AK9: variants seen among roughly 807,000 people sequenced by gnomAD.
AK9 encodes adenylate kinase 9.
Under a neutral mutation model 239.6 loss-of-function variants are expected in AK9, and 191 were observed. That is an observed-to-expected ratio of 0.80 (90% confidence interval 0.71 to 0.90). The LOEUF is 0.90. Among genes scored for constraint, AK9 ranks in the 40% least tolerant of loss-of-function variants. AK9 has a pLI of 0.00. For missense variants in AK9, 1,995 were observed against 2,214.7 expected (o/e 0.90, Z 1.99); for synonymous variants, 689 against 721.0 (o/e 0.96, Z 0.71).
intron 17 of AK9, among the ~76,000 whole-genome samples, chr6:109,607,705 T>C (rs1793061200): frequency 6.6e-6 from 1 of 151,780 alleles, no homozygotes; most frequent in Non-Finnish European, 1.5e-5. Context: ...ATTGTAAAGA[T>C]GATAGTCTTA....
chr6:109,649,580 A>G (rs1379240058), intron 8 of AK9, among the ~76,000 whole-genome samples: 1 of 152,190 alleles, frequency 6.6e-6, no homozygotes, highest in African/African-American at 2.4e-5. Context: ...CAATGAAATA[A>G]AAGAGGACAC....
chr6:109,550,022 T>G, intron 25 of AK9, 68 bp downstream of exon 25: 1 of 1,445,162 alleles, frequency 6.9e-7, no homozygotes, highest in Non-Finnish European at 9.6e-7. Flanking sequence ...AGTAAATTGA[T>G]GGTGATTGGT....
rs1310523650 is a variant in AK9 at position 109,656,902 on chromosome 6, G to T, written c.631-18C>A. The T allele has an allele frequency of 3.1e-6, 5 of 1,610,544 alleles. No homozygotes were observed. The highest frequency in any genetic ancestry group is 4.2e-6 in the Non-Finnish European group (5 of 1,178,086). ...ATAAATGCCTAAATGGAAAAGAAGA[G>T]ATTTCAAATATCTTTAGGTCAATGA... On this transcript the variant is annotated intron_variant, in intron 7 of 40. Coordinates refer to ENST00000424296, the MANE Select transcript of AK9 (RefSeq NM_001145128.3).
At chr6:109,559,399 C>T (rs1456162647) in intron 24 of AK9, among the ~76,000 whole-genome samples, 3 of 151,842 alleles carry the variant, frequency 2.0e-5, no homozygotes, top group African/African-American at 7.3e-5. Flanking sequence ...GATCTCCTAA[C>T]CTCGTGATCT....
chr6:109,523,395 T>G (rs6929166), intron 29 of AK9, among the ~76,000 whole-genome samples: 425 of 152,272 alleles, frequency 2.8e-3, no homozygotes, highest in Non-Finnish European at 4.3e-3. Flanking sequence ...CTTCATGGCC[T>G]TGAAGATCTG....
chr6:109,649,662 A>G (rs989722890), intron 8 of AK9, among the ~76,000 whole-genome samples: 25 of 152,342 alleles, frequency 1.6e-4, no homozygotes, highest in African/African-American at 5.5e-4. Context: ...ATACTGCCCA[A>G]GGTAATTTAT....
At chr6:109,662,137 A>G (rs532929195) in intron 6 of AK9, among the ~76,000 whole-genome samples, 1 of 152,316 alleles carries the variant, frequency 6.6e-6, no homozygotes, top group South Asian at 2.1e-4. Context: ...TAGGAGGAAA[A>G]TGGATAATTA....
At chr6:109,576,287 GA>G (rs1788061831) in intron 20 of AK9, among the ~76,000 whole-genome samples, 1 of 151,754 alleles carries the variant, frequency 6.6e-6, no homozygotes, top group Admixed American at 6.6e-5. Context: ...CATGCTCATG[GA>G]TTCTACCCAT....
At chr6:109,622,183 T>C (rs1465339101) in intron 12 of AK9, among the ~76,000 whole-genome samples, 1 of 145,786 alleles carries the variant, frequency 6.9e-6, no homozygotes, top group African/African-American at 2.5e-5. Flanking sequence ...TTTTATACAT[T>C]ATATATAATA....
chr6:109,545,837 C>G, intron 26 of AK9, 30 bp downstream of exon 26: 2 of 1,571,068 alleles, frequency 1.3e-6, no homozygotes, highest in Non-Finnish European at 1.7e-6. Context: ...AAAAACAAAA[C>G]AAACAAAAAA....
chr6:109,519,029 T>C (rs929461638), intron 29 of AK9, among the ~76,000 whole-genome samples: 1 of 152,182 alleles, frequency 6.6e-6, no homozygotes, highest in African/African-American at 2.4e-5. Flanking sequence ...GTACCCAGTG[T>C]TTAGCTCCTA....
At chr6:109,677,579 C>T (rs1771942614) in intron 1 of AK9, among the ~76,000 whole-genome samples, 1 of 151,942 alleles carries the variant, frequency 6.6e-6, no homozygotes, top group South Asian at 2.1e-4. Context: ...CCTAGCCCTG[C>T]TAAATATATA....
At chr6:109,525,202 A>T (rs958673516) in intron 29 of AK9, among the ~76,000 whole-genome samples, 1 of 152,114 alleles carries the variant, frequency 6.6e-6, no homozygotes, top group African/African-American at 2.4e-5. Context: ...TCTGAGTTCC[A>T]TTGCTCTATG....
intron 3 of AK9, 82 bp from the exon 4 acceptor site, chr6:109,672,249 G>A: frequency 8.5e-7 from 1 of 1,176,046 alleles, no homozygotes; most frequent in Non-Finnish European, 1.2e-6. Flanking sequence ...TCTTGTAACT[G>A]GTAACAAAGA....
chr6:109,526,675 G>A (rs1264753587), intron 29 of AK9, among the ~76,000 whole-genome samples: 2 of 152,190 alleles, frequency 1.3e-5, no homozygotes, highest in East Asian at 3.9e-4. Context: ...TGACACAGGT[G>A]CTCATTATCT....
intron 2 of AK9, 91 bp downstream of exon 2, chr6:109,675,538 C>T (rs1298584383): frequency 1.5e-5 from 12 of 821,244 alleles, no homozygotes; most frequent in Non-Finnish European, 2.2e-5. Flanking sequence ...AAAATGAGCA[C>T]AATATGTGGT....
At chr6:109,647,974 T>C (rs547343749) in intron 8 of AK9, among the ~76,000 whole-genome samples, 17 of 152,166 alleles carry the variant, frequency 1.1e-4, no homozygotes, top group African/African-American at 4.1e-4. Flanking sequence ...CTGAACAACC[T>C]GCTCCTGAAT....
At chr6:109,636,047 G>A (rs1009218381) in intron 10 of AK9, among the ~76,000 whole-genome samples, 1 of 152,132 alleles carries the variant, frequency 6.6e-6, no homozygotes, top group Non-Finnish European at 1.5e-5. Context: ...ATTGAATAAA[G>A]GGCAGCAAGG....
At chr6:109,518,267 T>C (rs951798768) in intron 29 of AK9, among the ~76,000 whole-genome samples, 2 of 152,138 alleles carry the variant, frequency 1.3e-5, no homozygotes, top group African/African-American at 4.8e-5. Context: ...AGCAGGGTTT[T>C]TCAGTTCTGG....
Sources: gnomAD v4.1 joint callset for allele counts (sites outside exome capture counted in the v4.1 genomes callset) on GRCh38, gnomAD v4.1.1 for gene constraint, MANE v1.5 for transcripts, NCBI Gene and HGNC (gene_info 2026-07-23, HGNC 2026-07-21) for gene names.